ADGRB3: variants seen among roughly 807,000 people sequenced by gnomAD.
ADGRB3 encodes the protein adhesion G protein-coupled receptor B3.
In ADGRB3, 37 loss-of-function variants were observed where a neutral mutation model predicts 193.4. That is an observed-to-expected ratio of 0.19 (90% CI 0.15 to 0.25). ADGRB3 has a LOEUF of 0.25. Among genes scored for constraint, ADGRB3 ranks in the 10% least tolerant of loss-of-function variants. ADGRB3 has a pLI of 1.00. For synonymous variants in ADGRB3, 690 were observed against 644.2 expected (o/e 1.07, Z -1.08); for missense variants, 1,637 against 1,852.9 (o/e 0.88, Z 2.14).
intron 13 of ADGRB3, among the ~76,000 whole-genome samples, chr6:69,028,827 G>T (rs1770518994): frequency 6.6e-6 from 1 of 152,118 alleles, no homozygotes; most frequent in Non-Finnish European, 1.5e-5. Flanking sequence ...ACAACATAAA[G>T]AAAGATATTT....
At chr6:68,888,673 T>C (rs1388498462) in intron 3 of ADGRB3, among the ~76,000 whole-genome samples, 1 of 151,798 alleles carries the variant, frequency 6.6e-6, no homozygotes, top group African/African-American at 2.4e-5. Flanking sequence ...ATGCAATGAA[T>C]AAAAATTATG....
intron 10 of ADGRB3, among the ~76,000 whole-genome samples, chr6:68,987,869 AGC>A (rs1769125427): frequency 6.6e-6 from 1 of 152,188 alleles, no homozygotes; most frequent in Admixed American, 6.6e-5. Flanking sequence ...TTCTAAAGGT[AGC>A]AAGTATATAA....
chr6:69,332,908 G>T lies in ADGRB3; in HGVS notation c.3103-15G>T. On this transcript the variant is annotated splice_polypyrimidine_tract_variant and intron_variant, in intron 23 of 31. Coordinates refer to ENST00000370598, the MANE Select transcript of ADGRB3 (RefSeq NM_001704.3). The stretch of plus-strand genomic sequence containing the variant: ...TCAATATCATTGAAAGGTCAACTTT[G>T]TTTCTGTTTGACAGGTCAACATGGT... 1 of 1,612,312 alleles carries T rather than the reference G, an allele frequency of 6.2e-7. No homozygotes were observed. The highest frequency in any genetic ancestry group is 1.1e-5 in the South Asian group (1 of 90,590).
chr6:68,938,470 A>G (rs1488166341), intron 5 of ADGRB3, among the ~76,000 whole-genome samples: 2 of 146,952 alleles, frequency 1.4e-5, no homozygotes, highest in Non-Finnish European at 3.0e-5. Flanking sequence ...ATATATATAT[A>G]TGTTGTGAAA....
intron 3 of ADGRB3, among the ~76,000 whole-genome samples, chr6:68,900,266 GATC>G (rs1766357687): frequency 6.6e-6 from 1 of 152,048 alleles, no homozygotes; most frequent in African/African-American, 2.4e-5. Context: ...CATTTATTTT[GATC>G]TGTTACCTTA....
Position 69,175,580 on chromosome 6 carries a change from C to G in ADGRB3, c.2481-57710C>G, listed in dbSNP as rs1775398450. 2.0e-5 allele frequency among the ~76,000 whole-genome samples: 3 copies of G among 152,276 alleles called. No individual in the cohort carries two copies. In the South Asian group the frequency reaches 6.2e-4, roughly 32 times the overall value. ...CAGTGTGAAGTCAGGTAATGTGATG[C>G]CTCTGGCTTTGTTTTTTCCTTAGGA... On this transcript the variant is annotated intron_variant, in intron 17 of 31. Coordinates refer to ENST00000370598, the MANE Select transcript of ADGRB3 (RefSeq NM_001704.3).
chr6:68,675,479 T>C (rs980763026), intron 3 of ADGRB3, among the ~76,000 whole-genome samples: 1 of 152,088 alleles, frequency 6.6e-6, no homozygotes, highest in Non-Finnish European at 1.5e-5. Context: ...AAGAAATTAA[T>C]TTGAGTGAAA....
intron 3 of ADGRB3, among the ~76,000 whole-genome samples, chr6:68,704,195 G>T (rs1209340169): frequency 1.3e-5 from 2 of 152,088 alleles, no homozygotes; most frequent in Admixed American, 6.6e-5. Flanking sequence ...AAGAAAACTG[G>T]ACTATTGAGC....
intron 10 of ADGRB3, among the ~76,000 whole-genome samples, chr6:68,977,073 G>A (rs1768772270): frequency 6.7e-6 from 1 of 148,294 alleles, no homozygotes; most frequent in Admixed American, 6.8e-5. Context: ...TATATTATAT[G>A]CAGATATATA....
chr6:68,972,523 A>G (rs915338555), intron 8 of ADGRB3, among the ~76,000 whole-genome samples: 2 of 152,146 alleles, frequency 1.3e-5, no homozygotes, highest in Non-Finnish European at 2.9e-5. Context: ...AAAGTTTGGA[A>G]TTTGAAGAAG....
intron 3 of ADGRB3, among the ~76,000 whole-genome samples, chr6:68,731,252 C>A (rs1323737863): frequency 1.3e-5 from 2 of 151,334 alleles, no homozygotes; most frequent in African/African-American, 4.8e-5. Flanking sequence ...TATCTTAATC[C>A]TCGTGTTACG....
intron 3 of ADGRB3, among the ~76,000 whole-genome samples, chr6:68,912,842 C>G (rs1291981856): frequency 6.6e-6 from 1 of 152,130 alleles, no homozygotes; most frequent in African/African-American, 2.4e-5. Flanking sequence ...CCTGGAAAAT[C>G]AGGTCACTCC....
At chr6:69,239,356 G>T (rs701656) in intron 20 of ADGRB3, 130 bp downstream of exon 20, 55,472 of 622,680 alleles carry the variant, frequency 0.089, 2,846 homozygotes, top group Non-Finnish European at 0.1. Flanking sequence ...GCAAAATTTT[G>T]TTATTGGTTT....
chr6:69,105,637 G>C (rs1337666651), intron 17 of ADGRB3, among the ~76,000 whole-genome samples: 2 of 152,082 alleles, frequency 1.3e-5, no homozygotes, highest in Non-Finnish European at 2.9e-5. Flanking sequence ...TATTGCTTCA[G>C]GCTTTTATAA....
At chr6:68,800,753 G>A (rs1025331851) in intron 3 of ADGRB3, among the ~76,000 whole-genome samples, 3 of 152,100 alleles carry the variant, frequency 2.0e-5, no homozygotes, top group African/African-American at 7.2e-5. Flanking sequence ...GAATGAACTA[G>A]TTCACAAATT....
intron 13 of ADGRB3, among the ~76,000 whole-genome samples, chr6:69,032,013 A>G (rs1442097040): frequency 6.6e-6 from 1 of 152,200 alleles, no homozygotes; most frequent in Non-Finnish European, 1.5e-5. Context: ...AGGTATAAAG[A>G]GAAGTGTTGC....
At chr6:69,003,801 G>A (rs183484532) in intron 11 of ADGRB3, among the ~76,000 whole-genome samples, 9 of 152,222 alleles carry the variant, frequency 5.9e-5, no homozygotes, top group Admixed American at 4.6e-4. Flanking sequence ...TACCGTGAAC[G>A]AATCTGGAAG....
At chr6:69,294,042 G>A (rs966495752) in intron 20 of ADGRB3, among the ~76,000 whole-genome samples, 5 of 152,146 alleles carry the variant, frequency 3.3e-5, no homozygotes, top group African/African-American at 7.2e-5. Context: ...TCTCTTGGAT[G>A]TATCACTGTT....
intron 26 of ADGRB3, among the ~76,000 whole-genome samples, chr6:69,342,621 A>G (rs560855095): frequency 1.3e-5 from 2 of 152,276 alleles, no homozygotes; most frequent in South Asian, 2.1e-4. Context: ...TGACATTACC[A>G]TGGTCCAAGA....
Sources: allele counts gnomAD v4.1 joint callset (sites outside exome capture counted in the v4.1 genomes callset), GRCh38; gene constraint gnomAD v4.1.1; transcripts MANE v1.5; gene names NCBI Gene and HGNC (gene_info 2026-07-23, HGNC 2026-07-21).